The following ATRNL1 variants were observed in gnomAD, a reference collection of about 807,000 sequenced individuals.
The protein encoded by ATRNL1 is attractin like 1.
ATRNL1 carries 95 observed loss-of-function variants against 182.7 expected under a neutral mutation model. The observed-to-expected ratio is 0.52, with a 90% confidence interval of 0.44 to 0.62. The LOEUF (loss-of-function observed/expected upper bound fraction) is 0.62, where lower values mean the gene tolerates loss of function less well. ATRNL1 is among the 20% of genes least tolerant of loss of function. ATRNL1 has a pLI of 0.00. For missense variants in ATRNL1, 1,471 were observed against 1,679.5 expected (o/e 0.88, Z 2.17); for synonymous variants, 576 against 568.3 (o/e 1.01, Z -0.19).
At chr10:115,922,846 A>G (rs535440099) in intron 28 of ATRNL1, among the ~76,000 whole-genome samples, 6 of 152,324 alleles carry the variant, frequency 3.9e-5, no homozygotes, top group South Asian at 4.1e-4. Flanking sequence ...GAAGAAATAA[A>G]TTTATTTCTA....
intron 9 of ATRNL1, among the ~76,000 whole-genome samples, chr10:115,220,148 A>G (rs947885075): frequency 2.0e-5 from 3 of 152,198 alleles, no homozygotes; most frequent in African/African-American, 4.8e-5. Context: ...TCACCTTTTG[A>G]ACTGCAGTCT....
At chr10:115,667,918 G>A (rs1216672909) in intron 26 of ATRNL1, among the ~76,000 whole-genome samples, 1 of 152,024 alleles carries the variant, frequency 6.6e-6, no homozygotes, top group Admixed American at 6.6e-5. Context: ...GCCTGCCTCT[G>A]CCTCCCAAAG....
At chr10:115,180,100 G>T (rs1847691905) in intron 8 of ATRNL1, among the ~76,000 whole-genome samples, 2 of 151,854 alleles carry the variant, frequency 1.3e-5, no homozygotes, top group South Asian at 4.1e-4. Flanking sequence ...AAGTGTATTT[G>T]ATGGGAGGAT....
chr10:115,762,988 A>G (rs1456814674), intron 27 of ATRNL1, among the ~76,000 whole-genome samples: 2 of 152,170 alleles, frequency 1.3e-5, no homozygotes, highest in African/African-American at 4.8e-5. Context: ...AGCACTTTTT[A>G]TGGCATTTGT....
chr10:115,277,908 T>G (rs1309674170), intron 13 of ATRNL1, among the ~76,000 whole-genome samples: 3 of 152,166 alleles, frequency 2.0e-5, no homozygotes, highest in African/African-American at 4.8e-5. Flanking sequence ...CTTTGAAGCC[T>G]CAATGGAGGA....
intron 24 of ATRNL1, among the ~76,000 whole-genome samples, chr10:115,478,131 T>C (rs1349118439): frequency 6.6e-6 from 1 of 151,740 alleles, no homozygotes; most frequent in African/African-American, 2.4e-5. Flanking sequence ...ATGATAATAT[T>C]GCCTACCTTT....
At chr10:115,428,366 CT>C (rs1845999383) in intron 21 of ATRNL1, among the ~76,000 whole-genome samples, 1 of 152,020 alleles carries the variant, frequency 6.6e-6, no homozygotes, top group South Asian at 2.1e-4. Flanking sequence ...TTCTTTTCCT[CT>C]CTTGATGGTT....
chr10:115,713,435 G>T (rs1230117871), intron 26 of ATRNL1, among the ~76,000 whole-genome samples: 1 of 149,238 alleles, frequency 6.7e-6, no homozygotes, highest in African/African-American at 2.5e-5. Flanking sequence ...AAGGAAGAGG[G>T]AAAGTGGCTG....
intron 28 of ATRNL1, among the ~76,000 whole-genome samples, chr10:115,902,766 C>T (rs917311896): frequency 3.3e-5 from 5 of 152,160 alleles, no homozygotes; most frequent in African/African-American, 7.2e-5. Context: ...AATTTTAACA[C>T]GAATGACACA....
intron 24 of ATRNL1, among the ~76,000 whole-genome samples, chr10:115,490,779 G>T (rs555511398): frequency 4.6e-5 from 7 of 152,228 alleles, no homozygotes; most frequent in African/African-American, 1.7e-4. Context: ...TGCTGGTGAG[G>T]AGTTGTGATC....
In ATRNL1 at chr10:115,150,942, A is replaced by G. The variant is rs542164229; in HGVS notation, c.830-9098A>G. ...TGTGTCCAAGTGTTCTCATTGTTCA[A>G]TTCCCACCTATGAGTGAGAACACGC... On this transcript the variant is annotated intron_variant, in intron 5 of 28. Transcript: ENST00000355044. 1.8e-4 allele frequency among the ~76,000 whole-genome samples: 28 copies of G among 152,266 alleles called. No homozygotes were observed. The South Asian group carries it at 3.7e-3, about 20-fold the overall frequency.
At chr10:115,252,209 G>T (rs1414199978) in intron 10 of ATRNL1, among the ~76,000 whole-genome samples, 1 of 152,080 alleles carries the variant, frequency 6.6e-6, no homozygotes, top group East Asian at 1.9e-4. Flanking sequence ...TGTACTTTTA[G>T]TAGAGACGGG....
chr10:115,749,616 T>G (rs1418218449), intron 27 of ATRNL1, among the ~76,000 whole-genome samples: 1 of 151,930 alleles, frequency 6.6e-6, no homozygotes, highest in Non-Finnish European at 1.5e-5. Flanking sequence ...CTTTTATAAC[T>G]GTTATTTCAG....
intron 26 of ATRNL1, among the ~76,000 whole-genome samples, chr10:115,667,609 G>T (rs1256137926): frequency 6.6e-6 from 1 of 151,642 alleles, no homozygotes; most frequent in Non-Finnish European, 1.5e-5. Flanking sequence ...TCTAGGCCTG[G>T]AACTGGTCCA....
chr10:115,348,449 T>G (rs1337832913), intron 19 of ATRNL1, among the ~76,000 whole-genome samples: 2 of 152,210 alleles, frequency 1.3e-5, no homozygotes, highest in African/African-American at 4.8e-5. Flanking sequence ...ATTCATAACA[T>G]CAATAAGTTT....
chr10:115,261,483 GA>G (rs1407140578), intron 10 of ATRNL1, among the ~76,000 whole-genome samples: 2 of 152,160 alleles, frequency 1.3e-5, no homozygotes, highest in African/African-American at 4.8e-5. Context: ...AAGAAAGATG[GA>G]GTTTCAGGAG....
At chr10:115,321,210 C>G (rs1854566735) in intron 18 of ATRNL1, among the ~76,000 whole-genome samples, 1 of 152,080 alleles carries the variant, frequency 6.6e-6, no homozygotes, top group Non-Finnish European at 1.5e-5. Context: ...CTGCTTCGCT[C>G]CTGCCCCTGG....
chr10:115,114,910 G>A (rs1393110669), intron 1 of ATRNL1, among the ~76,000 whole-genome samples: 4 of 152,022 alleles, frequency 2.6e-5, no homozygotes, highest in African/African-American at 9.7e-5. Context: ...GAATCAGTAT[G>A]TTGGAGAGAT....
At chr10:115,290,769 A>T (rs541944495) in intron 15 of ATRNL1, among the ~76,000 whole-genome samples, 2 of 152,162 alleles carry the variant, frequency 1.3e-5, no homozygotes, top group Non-Finnish European at 2.9e-5. Flanking sequence ...CTGTGGTGAA[A>T]TGCATGGGGT....
Sources: allele counts gnomAD v4.1 joint callset (sites outside exome capture counted in the v4.1 genomes callset), GRCh38; gene constraint gnomAD v4.1.1; transcripts MANE v1.5; gene names NCBI Gene and HGNC (gene_info 2026-07-23, HGNC 2026-07-21).